GRK5: variants seen among roughly 807,000 people sequenced by gnomAD.
The protein encoded by GRK5 is g protein-coupled receptor kinase GRK5.
In GRK5, 40 loss-of-function variants were observed where a neutral mutation model predicts 78.4. That is an observed-to-expected ratio of 0.51 (90% CI 0.40 to 0.66). The LOEUF is 0.66. Ranked by LOEUF, GRK5 falls within the 30% of genes least tolerant of loss-of-function variation. The pLI is 0.00. For missense variants in GRK5, 598 were observed against 759.9 expected (o/e 0.79, Z 2.50); for synonymous variants, 289 against 296.8 (o/e 0.97, Z 0.27).
rs189956120 is a variant in GRK5 at position 119,438,276 on chromosome 10, G to A, written c.929+1435G>A. Among the ~76,000 whole-genome samples the A allele has an allele frequency of 8.1e-4, 124 of 152,206 alleles. 1 individual carries two copies. The highest frequency in any genetic ancestry group is 2.8e-3 in the African/African-American group (115 of 41,514). ...AAGAGTTATTGAGAAAGGGCAGATG[G>A]GAGGGAGATCCCAAAAGATGCCAGG... On this transcript the variant is annotated intron_variant, in intron 9 of 15. Transcript: ENST00000392870.
intron 1 of GRK5, among the ~76,000 whole-genome samples, chr10:119,275,611 T>TCG (rs1554901477): frequency 1.1e-3 from 140 of 123,962 alleles, no homozygotes; most frequent in Admixed American, 2.2e-3. Flanking sequence ...TCTCTCTCTC[T>TCG]CGCACACACA....
intron 1 of GRK5, among the ~76,000 whole-genome samples, chr10:119,272,090 G>T (rs1330642431): frequency 6.6e-6 from 1 of 152,182 alleles, no homozygotes; most frequent in Non-Finnish European, 1.5e-5. Flanking sequence ...GTGATGCCCC[G>T]TTCAGCAGAG....
chr10:119,454,748 AGG>A (rs1030197177), intron 15 of GRK5, among the ~76,000 whole-genome samples: 6 of 152,138 alleles, frequency 3.9e-5, no homozygotes, highest in Non-Finnish European at 8.8e-5. Flanking sequence ...ATATTATAGG[AGG>A]GGCCGCCTCC....
intron 4 of GRK5, among the ~76,000 whole-genome samples, chr10:119,404,929 G>A (rs529695257): frequency 3.5e-4 from 54 of 152,372 alleles, no homozygotes; most frequent in African/African-American, 1.3e-3. Flanking sequence ...GAAGAGAAGA[G>A]GCTGGTCCAG....
At chr10:119,403,268 G>A (rs913731272) in intron 4 of GRK5, among the ~76,000 whole-genome samples, 15 of 152,048 alleles carry the variant, frequency 9.9e-5, no homozygotes, top group South Asian at 2.1e-4. Context: ...CCGGGTTCAC[G>A]CCATTCTCCT....
chr10:119,266,191 C>G (rs1849493624), intron 1 of GRK5, among the ~76,000 whole-genome samples: 1 of 152,220 alleles, frequency 6.6e-6, no homozygotes, highest in Non-Finnish European at 1.5e-5. Context: ...CGCGAAGGCT[C>G]ACACCTGTAA....
At chr10:119,411,162 C>T (rs757852867) in intron 4 of GRK5, among the ~76,000 whole-genome samples, 12 of 152,038 alleles carry the variant, frequency 7.9e-5, no homozygotes, top group Non-Finnish European at 1.5e-4. Context: ...TCTTCCTGGC[C>T]TGGTGGAAAA....
At chr10:119,315,488 A>G (rs1203316410) in intron 1 of GRK5, among the ~76,000 whole-genome samples, 1 of 152,076 alleles carries the variant, frequency 6.6e-6, no homozygotes, top group African/African-American at 2.4e-5. Flanking sequence ...GGGAGGGAGG[A>G]ACAGGAGGCA....
intron 1 of GRK5, among the ~76,000 whole-genome samples, chr10:119,296,157 A>G (rs1205550768): frequency 2.0e-5 from 3 of 152,202 alleles, no homozygotes; most frequent in Non-Finnish European, 4.4e-5. Context: ...CATCCTCGAC[A>G]TATTGGCTTG....
intron 1 of GRK5, among the ~76,000 whole-genome samples, chr10:119,241,085 G>A (rs1849017651): frequency 6.6e-6 from 1 of 152,076 alleles, no homozygotes; most frequent in Admixed American, 6.5e-5. Flanking sequence ...ATCGGAGACT[G>A]GAAAAAAATC....
intron 1 of GRK5, among the ~76,000 whole-genome samples, chr10:119,283,507 C>G (rs1289872091): frequency 1.3e-5 from 2 of 152,208 alleles, no homozygotes; most frequent in East Asian, 3.9e-4. Flanking sequence ...TTCCTGAGGC[C>G]TTGAGTTCCA....
At chr10:119,208,911 C>CT (rs149905601) in intron 1 of GRK5, among the ~76,000 whole-genome samples, 2,368 of 148,732 alleles carry the variant, frequency 0.016, 39 homozygotes, top group Admixed American at 0.054. Context: ...GCATATTTTC[C>CT]TTTTTTTTTT....
chr10:119,311,377 C>T (rs559606509), intron 1 of GRK5, among the ~76,000 whole-genome samples: 25 of 151,916 alleles, frequency 1.6e-4, no homozygotes, highest in African/African-American at 3.6e-4. Context: ...CAGAAGGCCA[C>T]GCAGAACGCT....
intron 4 of GRK5, among the ~76,000 whole-genome samples, chr10:119,417,031 C>T (rs4752304): frequency 0.48 from 72,441 of 152,086 alleles, 17,752 homozygotes; most frequent in African/African-American, 0.59. Context: ...GCTGGCAGGC[C>T]GTTGGGGTGA....
intron 1 of GRK5, among the ~76,000 whole-genome samples, chr10:119,281,770 C>G (rs189076516): frequency 6.6e-6 from 1 of 152,338 alleles, no homozygotes; most frequent in Non-Finnish European, 1.5e-5. Flanking sequence ...CATCCGATCC[C>G]CCGAGGTGGC....
chr10:119,224,385 A>ATTT (rs1848701659), intron 1 of GRK5, among the ~76,000 whole-genome samples: 1 of 121,922 alleles, frequency 8.2e-6, no homozygotes, highest in Admixed American at 9.9e-5. Flanking sequence ...TTATTTATTA[A>ATTT]TTTATTATTT....
At chr10:119,223,115 T>C (rs1848682959) in intron 1 of GRK5, among the ~76,000 whole-genome samples, 1 of 152,196 alleles carries the variant, frequency 6.6e-6, no homozygotes, top group Admixed American at 6.5e-5. Flanking sequence ...GTGCTCCCTC[T>C]GAAGGTACCC....
chr10:119,255,204 G>A (rs1849261976), intron 1 of GRK5, among the ~76,000 whole-genome samples: 1 of 152,154 alleles, frequency 6.6e-6, no homozygotes, highest in South Asian at 2.1e-4. Context: ...TGCTGGGAGA[G>A]ATAGGATCCA....
chr10:119,418,834 C>G (rs548954045), intron 4 of GRK5, among the ~76,000 whole-genome samples: 21 of 152,202 alleles, frequency 1.4e-4, no homozygotes, highest in Non-Finnish European at 2.2e-4. Flanking sequence ...ATTTTACCAA[C>G]GAGCACCACC....
Sources: allele counts gnomAD v4.1 joint callset (sites outside exome capture counted in the v4.1 genomes callset), GRCh38; gene constraint gnomAD v4.1.1; transcripts MANE v1.5; gene names NCBI Gene and HGNC (gene_info 2026-07-23, HGNC 2026-07-21).